The following CNTN6 variants were observed in gnomAD, a reference collection of about 807,000 sequenced individuals.
CNTN6 encodes the protein contactin 6.
Under a neutral mutation model 122.8 loss-of-function variants are expected in CNTN6, and 137 were observed. The observed-to-expected ratio is 1.12, with a 90% CI of 0.97 to 1.29. The LOEUF is 1.29. Among genes scored for constraint, CNTN6 ranks in the 50% most tolerant of loss-of-function variants. The pLI is 0.00. For missense variants in CNTN6, 1,634 were observed against 1,223.4 expected, an observed-to-expected ratio of 1.34 and a Z score of -5.01; for synonymous variants, 570 against 426.0, an observed-to-expected ratio of 1.34 and a Z score of -4.16.
intron 2 of CNTN6, among the ~76,000 whole-genome samples, chr3:1,203,687 A>G (rs2093917233): frequency 6.6e-6 from 1 of 152,194 alleles, no homozygotes; most frequent in South Asian, 2.1e-4. Flanking sequence ...CACGGTAGCA[A>G]AATTATGTCT....
chr3:1,208,386 A>T (rs2093986267), intron 2 of CNTN6, among the ~76,000 whole-genome samples: 1 of 151,802 alleles, frequency 6.6e-6, no homozygotes, highest in Non-Finnish European at 1.5e-5. Context: ...TCTTCTTAAA[A>T]CTTCCTTACT....
chr3:1,145,256 G>C (rs1244608570), intron 1 of CNTN6, among the ~76,000 whole-genome samples: 1 of 152,184 alleles, frequency 6.6e-6, no homozygotes, highest in East Asian at 1.9e-4. Flanking sequence ...AATATTGACA[G>C]AGGTCCTGGC....
At chr3:1,386,430 A>G (rs1179873213) in intron 20 of CNTN6, among the ~76,000 whole-genome samples, 1 of 152,182 alleles carries the variant, frequency 6.6e-6, no homozygotes. Flanking sequence ...ATAATCAGCC[A>G]GGTGATTTCA....
At chr3:1,094,008 C>A (rs2090384346) in intron 1 of CNTN6, among the ~76,000 whole-genome samples, 1 of 152,040 alleles carries the variant, frequency 6.6e-6, no homozygotes. Flanking sequence ...AGAAGTTATA[C>A]TGAGAAAAAA....
At chr3:1,377,417 G>A (rs1710035265) in intron 17 of CNTN6, among the ~76,000 whole-genome samples, 1 of 152,120 alleles carries the variant, frequency 6.6e-6, no homozygotes, top group East Asian at 1.9e-4. Context: ...GTTGAGCCCA[G>A]TAGACTGTAG....
intron 16 of CNTN6, among the ~76,000 whole-genome samples, chr3:1,375,712 G>C (rs1449615647): frequency 6.6e-6 from 1 of 152,002 alleles, no homozygotes; most frequent in Non-Finnish European, 1.5e-5. Context: ...GGAAGTCTTA[G>C]AAAATAAGGT....
At chr3:1,325,333 G>A (rs557579698) in intron 8 of CNTN6, among the ~76,000 whole-genome samples, 1 of 151,920 alleles carries the variant, frequency 6.6e-6, no homozygotes, top group Non-Finnish European at 1.5e-5. Context: ...CAAAATGCCA[G>A]GAAGCTCATG....
intron 5 of CNTN6, among the ~76,000 whole-genome samples, chr3:1,280,431 G>A (rs140152058): frequency 1.4e-5 from 2 of 141,644 alleles, no homozygotes; most frequent in African/African-American, 5.2e-5. Flanking sequence ...TTGCTGCATG[G>A]GAGTAATGGC....
At chr3:1,250,262 C>G (rs570580803) in intron 4 of CNTN6, among the ~76,000 whole-genome samples, 14 of 152,310 alleles carry the variant, frequency 9.2e-5, no homozygotes, top group African/African-American at 3.4e-4. Context: ...AATCAGGCTT[C>G]AAACACAACA....
chr3:1,152,285 C>T (rs150973403), intron 2 of CNTN6, among the ~76,000 whole-genome samples: 2,836 of 151,920 alleles, frequency 0.019, 97 homozygotes, highest in African/African-American at 0.064. Flanking sequence ...ATTACAGGCA[C>T]GCACCACCAT....
chr3:1,325,887 A>G lies in CNTN6; in HGVS notation c.1019A>G (p.Lys340Arg). The change falls in exon 9 of 23, where the codon AAA becomes AGA. Residue 340 changes from lysine to arginine, a missense_variant. Physicochemically the swap from Lys to Arg is conservative, Grantham distance 26 (BLOSUM62 2). Transcript: ENST00000446702. ...TATGACAACTTGCTCTGGGAATGTA[A>G]AGCTAGTGGAAAGCCAAACCCTTGG... Reference protein sequence around the residue: ...SIYDNLLWECKASGKPNPWYT... With the variant: ...SIYDNLLWECRASGKPNPWYT... The G allele has an allele frequency of 1.2e-6, 2 of 1,611,922 alleles. No individual in the cohort carries two copies. Among genetic ancestry groups the G allele is most frequent in the Admixed American group, 1.7e-5 (1 of 59,804 alleles).
chr3:1,152,708 CT>C (rs1224983490), intron 2 of CNTN6, among the ~76,000 whole-genome samples: 4 of 151,610 alleles, frequency 2.6e-5, no homozygotes, highest in African/African-American at 9.8e-5. Flanking sequence ...TAGTTCCAAT[CT>C]TTAAAAATTT....
At chr3:1,314,096 C>T (rs1321784765) in intron 7 of CNTN6, among the ~76,000 whole-genome samples, 1 of 152,070 alleles carries the variant, frequency 6.6e-6, no homozygotes, top group African/African-American at 2.4e-5. Context: ...ACTCCATTTA[C>T]ACCACTCAGA....
intron 1 of CNTN6, among the ~76,000 whole-genome samples, chr3:1,110,813 T>G (rs576471606): frequency 3.3e-5 from 5 of 152,300 alleles, no homozygotes; most frequent in African/African-American, 1.2e-4. Context: ...TCATGACCTC[T>G]GCTGCATTCC....
At chr3:1,390,180 T>A (rs1042963545) in intron 20 of CNTN6, among the ~76,000 whole-genome samples, 1 of 151,708 alleles carries the variant, frequency 6.6e-6, no homozygotes, top group Non-Finnish European at 1.5e-5. Flanking sequence ...CCTCAGCAAA[T>A]GTAAAAGGAC....
In CNTN6 at chr3:1,158,869, TATATATACAC is replaced by T. The variant is rs1230845056; in HGVS notation, c.55+10818_55+10827del. On this transcript the variant is annotated intron_variant, in intron 2 of 22. Transcript: ENST00000446702. The stretch of plus-strand genomic sequence containing the variant: ...ATATACATACATATATATACACACA[TATATATACAC>T]ATATATACACACATATATATACACA... 2.0e-4 allele frequency among the ~76,000 whole-genome samples: 22 copies of T among 107,690 alleles called. 1 individual carries two copies. The highest frequency in any genetic ancestry group is 8.7e-4 in the African/African-American group (18 of 20,698). 70.6% of individuals were successfully genotyped at this position (107,690 alleles called of 152,430 possible). A position where few individuals can be genotyped will look rare whatever the true frequency, so the allele number is the denominator to read the frequency against.
At chr3:1,388,583 GAGA>G (rs1162995095) in intron 20 of CNTN6, among the ~76,000 whole-genome samples, 2 of 150,308 alleles carry the variant, frequency 1.3e-5, no homozygotes, top group Admixed American at 1.3e-4. Flanking sequence ...GACGAGCTGA[GAGA>G]AGAAGGCTTC....
At position 1,154,448 on chromosome 3, in the gene CNTN6, C is replaced by CTTTTCTTTTTTTTT. The variant is rs1575043271; in HGVS notation, c.55+6389_55+6390insCTTTTTTTTTTTTT. Among the ~76,000 whole-genome samples the CTTTTCTTTTTTTTT allele has an allele frequency of 7.1e-5, 10 of 140,512 alleles. No individual in the cohort carries two copies. The East Asian group carries it at 1.3e-3, about 18-fold the overall frequency. The allele number at this position is 140,512 out of a possible 152,430, so 92.2% of individuals were successfully genotyped here. The stretch of plus-strand genomic sequence containing the variant: ...ATAATATTTTTCTTTTCTTTTCTTT[C>CTTTTCTTTTTTTTT]TTTTTTTTTTTTGAGGTGGAGTTTT... On this transcript the variant is annotated intron_variant, in intron 2 of 22. Transcript: ENST00000446702.
intron 2 of CNTN6, among the ~76,000 whole-genome samples, chr3:1,192,252 C>A (rs867679681): frequency 6.6e-6 from 1 of 152,130 alleles, no homozygotes; most frequent in African/African-American, 2.4e-5. Flanking sequence ...TTCTGAAGTG[C>A]TTATCTTTCC....
Sources: gnomAD v4.1 joint callset for allele counts (sites outside exome capture counted in the v4.1 genomes callset) on GRCh38, gnomAD v4.1.1 for gene constraint, MANE v1.5 for transcripts, NCBI Gene and HGNC (gene_info 2026-07-23, HGNC 2026-07-21) for gene names.